Variants in GNB4 observed in about 807,000 individuals in gnomAD.
GNB4 encodes the protein guanine nucleotide-binding protein subunit beta-4.
Under a neutral mutation model 45.2 loss-of-function variants are expected in GNB4, and 28 were observed. That is an observed-to-expected ratio of 0.62 (90% CI 0.46 to 0.85). The LOEUF is 0.85. GNB4 is among the 40% of genes least tolerant of loss of function. The pLI is 0.00. For synonymous variants in GNB4, 132 were observed against 143.7 expected (o/e 0.92, Z 0.58); for missense variants, 321 against 425.4 (o/e 0.75, Z 2.16).
chr3:179,508,309 G>A, the GNB4 span, among the ~76,000 whole-genome samples: 5,287 of 152,142 alleles, frequency 0.035, 308 homozygotes, highest in African/African-American at 0.12. Context: ...TAGATCCACA[G>A]TGCCCCCACC....
At chr3:179,407,625 G>A (rs1195229125) in intron 8 of GNB4, among the ~76,000 whole-genome samples, 4 of 152,176 alleles carry the variant, frequency 2.6e-5, no homozygotes, top group South Asian at 2.1e-4. Context: ...GGGAATCCAA[G>A]AAGTCCACAG....
intron 6 of GNB4, 93 bp downstream of exon 6, chr3:179,414,792 T>C (rs943135051): frequency 1.7e-5 from 17 of 1,015,362 alleles, no homozygotes; most frequent in Non-Finnish European, 2.2e-5. Context: ...TCCTCATCCT[T>C]TAGCCAGCCG....
At chr3:179,448,260 T>C (rs534168753) in intron 1 of GNB4, among the ~76,000 whole-genome samples, 2 of 152,322 alleles carry the variant, frequency 1.3e-5, no homozygotes, top group East Asian at 3.9e-4. Flanking sequence ...CCACCGCGCC[T>C]GGCCTGTTTC....
chr3:179,500,841 A>G, the GNB4 span, among the ~76,000 whole-genome samples: 3 of 152,260 alleles, frequency 2.0e-5, no homozygotes, highest in South Asian at 4.1e-4. Context: ...TTCTCTTTGT[A>G]GCAATTGTGA....
At chr3:179,498,304 G>A in the GNB4 span, among the ~76,000 whole-genome samples, 4 of 152,334 alleles carry the variant, frequency 2.6e-5, no homozygotes, top group East Asian at 3.9e-4. Flanking sequence ...AAGAGTGAGA[G>A]CAGGAATGGT....
At chr3:179,435,517 A>G (rs965455799) in intron 1 of GNB4, among the ~76,000 whole-genome samples, 1 of 151,644 alleles carries the variant, frequency 6.6e-6, no homozygotes. Flanking sequence ...GTAATCGCCA[A>G]GCAATTTCAA....
At chr3:179,476,066 A>G in the GNB4 span, among the ~76,000 whole-genome samples, 925 of 152,332 alleles carry the variant, frequency 6.1e-3, 9 homozygotes, top group African/African-American at 0.021. Context: ...AGTCTCATCA[A>G]AATCAGATAT....
chr3:179,481,437 A>T, the GNB4 span, among the ~76,000 whole-genome samples: 3 of 152,236 alleles, frequency 2.0e-5, no homozygotes, highest in African/African-American at 7.2e-5. Flanking sequence ...AGCCTCCCAA[A>T]GTGCTGAGAT....
At chr3:179,498,754 T>TG in the GNB4 span, among the ~76,000 whole-genome samples, 4 of 139,308 alleles carry the variant, frequency 2.9e-5, no homozygotes, top group African/African-American at 1.1e-4. Flanking sequence ...GTTTGGTTTT[T>TG]TTTTTTTTTT....
Position 179,415,062 on chromosome 3 carries a change from C to T in GNB4, c.268-15G>A. The T allele has an allele frequency of 2.6e-6, 4 of 1,535,940 alleles. No homozygotes were observed. Among genetic ancestry groups the T allele is most frequent in the South Asian group, 1.3e-5 (1 of 78,804 alleles). On this transcript the variant is annotated splice_polypyrimidine_tract_variant and intron_variant, in intron 5 of 9. Coordinates refer to ENST00000232564, the MANE Select transcript of GNB4 (RefSeq NM_021629.4). The stretch of plus-strand genomic sequence containing the variant: ...ATAGCATGCATCTGTAGGGCACACA[C>T]CACACATCACTCAGATTACAAAAAC...
At chr3:179,420,105 CAT>C (rs568257024) in intron 3 of GNB4, among the ~76,000 whole-genome samples, 94 of 150,364 alleles carry the variant, frequency 6.3e-4, no homozygotes, top group African/African-American at 2.1e-3. Context: ...TCTATACATA[CAT>C]ATATATATAC....
At chr3:179,492,056 A>C in the GNB4 span, among the ~76,000 whole-genome samples, 1 of 152,224 alleles carries the variant, frequency 6.6e-6, no homozygotes, top group Non-Finnish European at 1.5e-5. Flanking sequence ...TGAAGCACAA[A>C]GTAGAAAAGT....
intron 8 of GNB4, among the ~76,000 whole-genome samples, chr3:179,409,038 C>T (rs1436048115): frequency 6.7e-6 from 1 of 148,370 alleles, no homozygotes; most frequent in Non-Finnish European, 1.5e-5. Context: ...CACCTGTATA[C>T]CCAGCTACTT....
Position 179,401,136 on chromosome 3 carries a change from A to C in GNB4, c.*77T>G. 1 of 886,202 alleles carries C rather than the reference A, an allele frequency of 1.1e-6. No individual in the cohort carries two copies. Among genetic ancestry groups the C allele is most frequent in the Admixed American group, 3.2e-5 (1 of 31,096 alleles). The allele number at this position is 886,202 out of a possible 1,614,324, so 54.9% of individuals were successfully genotyped here. A position where few individuals can be genotyped will look rare whatever the true frequency, so the allele number is the denominator to read the frequency against. On this transcript the variant is annotated 3_prime_UTR_variant, in exon 10 of 10. Transcript: ENST00000232564. ...AAATCTTCACCTGCAAATATAAGGTAGAATTTTTTCACAGCTATAGGCTGT... is the reference window on the plus strand; with the variant it reads ...AAATCTTCACCTGCAAATATAAGGTCGAATTTTTTCACAGCTATAGGCTGT...
chr3:179,468,035 A>AAAAAAATATATATATATATATAT, the GNB4 span, among the ~76,000 whole-genome samples: 9 of 89,856 alleles, frequency 1.0e-4, no homozygotes, highest in African/African-American at 2.4e-4. Flanking sequence ...TGTTGATAAA[A>AAAAAAATATATATATATATATAT]ATATATATAT....
chr3:179,495,659 G>C, the GNB4 span, among the ~76,000 whole-genome samples: 10 of 151,470 alleles, frequency 6.6e-5, no homozygotes, highest in Non-Finnish European at 1.5e-4. Context: ...GGGAAGGAAG[G>C]AAGGAAGGGA....
the GNB4 span, among the ~76,000 whole-genome samples, chr3:179,527,705 TAAG>T: frequency 2.0e-5 from 3 of 152,084 alleles, no homozygotes; most frequent in African/African-American, 7.2e-5. Flanking sequence ...ATATATAGTC[TAAG>T]ACTTACCTAC....
the GNB4 span, among the ~76,000 whole-genome samples, chr3:179,520,515 C>T: frequency 5.3e-5 from 8 of 152,126 alleles, no homozygotes; most frequent in African/African-American, 1.2e-4. Context: ...CGGTGGCTGC[C>T]GCCGCCCTAA....
chr3:179,503,453 T>C, the GNB4 span, among the ~76,000 whole-genome samples: 6 of 152,230 alleles, frequency 3.9e-5, no homozygotes, highest in African/African-American at 1.2e-4. Context: ...GATAAAATAT[T>C]AGAAAAAAAT....
Sources: allele counts gnomAD v4.1 joint callset (sites outside exome capture counted in the v4.1 genomes callset), GRCh38; gene constraint gnomAD v4.1.1; transcripts MANE v1.5; gene names NCBI Gene and HGNC (gene_info 2026-07-23, HGNC 2026-07-21).